MBL2: variants seen among roughly 807,000 people sequenced by gnomAD.
MBL2 encodes mannose binding lectin 2.
In MBL2, 6 loss-of-function variants were observed where a neutral mutation model predicts 12.7. The observed-to-expected ratio is 0.47, with a 90% CI of 0.26 to 0.94. MBL2 has a LOEUF of 0.94. MBL2 is among the 40% of genes least tolerant of loss of function. The pLI, the probability that MBL2 is intolerant of heterozygous loss-of-function variation, is 0.15. For missense variants in MBL2, 307 were observed against 295.2 expected (o/e 1.04, Z -0.29); for synonymous variants, 114 against 112.0 (o/e 1.02, Z -0.11).
In MBL2 at chr10:52,766,538, A is replaced by G. The variant is rs1212738156; in HGVS notation, c.*1599T>C. The G allele has an allele frequency of 2.6e-5, 4 of 152,164 alleles. No homozygotes were observed. The highest frequency in any genetic ancestry group is 5.9e-5 in the Non-Finnish European group (4 of 68,012). The allele number at this position is 152,164 out of a possible 1,614,324, so 9.4% of individuals were successfully genotyped here. ...TAGAAAAAAATGGAAAAATATCTTC[A>G]TGATTTCAAAATCATGAAAAATCTC... On this transcript the variant is annotated 3_prime_UTR_variant, in exon 5 of 5. Transcript: ENST00000674931.
rs1029565622 is a variant in MBL2, at chr10:52,766,468, A to G, written c.*1669T>C. 5 of 152,120 alleles carry G rather than the reference A, an allele frequency of 3.3e-5. No individual in the cohort carries two copies. The highest frequency in any genetic ancestry group is 1.2e-4 in the African/African-American group (5 of 41,432). The allele number at this position is 152,120 out of a possible 1,614,324, so 9.4% of individuals were successfully genotyped here. Reference sequence around the variant, plus strand: ...CTACATAGTGCTGTCTCAAGTGGATATCTATTCTACCAGGAATAGATAGAA... The same window carrying G: ...CTACATAGTGCTGTCTCAAGTGGATGTCTATTCTACCAGGAATAGATAGAA... On this transcript the variant is annotated 3_prime_UTR_variant, in exon 5 of 5. Coordinates refer to ENST00000674931, the MANE Select transcript of MBL2 (RefSeq NM_001378373.1).
At position 52,767,562 on chromosome 10, in the gene MBL2, T is replaced by C. The variant is rs1399061274; in HGVS notation, c.*575A>G. On this transcript the variant is annotated 3_prime_UTR_variant, in exon 5 of 5. Transcript: ENST00000674931. ...TCTAGAAAGTGAGTATATAGGTATG[T>C]ATGTGTGTGAGAATTTGTGAAGCTG... 6.6e-6 allele frequency: 1 copy of C among 152,040 alleles called. No homozygotes were observed. The highest frequency in any genetic ancestry group is 6.5e-5 in the Admixed American group (1 of 15,268). 9.4% of individuals were successfully genotyped at this position (152,040 alleles called of 1,614,324 possible). A position where few individuals can be genotyped will look rare whatever the true frequency, so the allele number is the denominator to read the frequency against.
rs1840355593 is a variant in MBL2 at position 52,769,324 on chromosome 10, T to A, written c.305-9A>T. The A allele has an allele frequency of 6.3e-7, 1 of 1,597,656 alleles. No individual in the cohort carries two copies. The highest frequency in any genetic ancestry group is 1.4e-5 in the African/African-American group (1 of 73,950). ...CAGGCTACTATCACCATCTAGAAAATTAGAACAAAGTAAAGAAGCATTGTT... is the reference window on the plus strand; with the variant it reads ...CAGGCTACTATCACCATCTAGAAAAATAGAACAAAGTAAAGAAGCATTGTT... On this transcript the variant is annotated splice_polypyrimidine_tract_variant and intron_variant, in intron 3 of 4. Coordinates refer to ENST00000674931, the MANE Select transcript of MBL2 (RefSeq NM_001378373.1).
In MBL2 at chr10:52,766,700, C is replaced by T. The variant is rs900953030; in HGVS notation, c.*1437G>A. 6 of 151,936 alleles carry T rather than the reference C, an allele frequency of 3.9e-5. No homozygotes were observed. The highest frequency in any genetic ancestry group is 1.5e-4 in the African/African-American group (6 of 41,356). The allele number at this position is 151,936 out of a possible 1,614,324, so 9.4% of individuals were successfully genotyped here. ...TTTCTCAAAATTAGGAAATTTTGTT[C>T]ATCAAAATTCAACATTAGGAGCAAG... On this transcript the variant is annotated 3_prime_UTR_variant, in exon 5 of 5. Transcript: ENST00000674931.
intron 3 of MBL2, among the ~76,000 whole-genome samples, chr10:52,769,623 T>C (rs1840360782): frequency 6.6e-6 from 1 of 152,200 alleles, no homozygotes; most frequent in Non-Finnish European, 1.5e-5. Context: ...GATTTTTTTT[T>C]CAAATAAATT....
chr10:52,771,834 G>T, intron 1 of MBL2, 190 bp from the exon 2 acceptor site: 1 of 767,014 alleles, frequency 1.3e-6, no homozygotes. Flanking sequence ...AACAAAGGTA[G>T]GCACTATGAT....
At chr10:52,770,630 C>G (rs372992382) in intron 3 of MBL2, 40 bp downstream of exon 3, 1 of 1,252,388 alleles carries the variant, frequency 8.0e-7, no homozygotes, top group African/African-American at 1.5e-5. Flanking sequence ...GGTCTCAGAA[C>G]CCTGGGTGAA....
At chr10:52,769,180 C>T (rs1387047615) in intron 4 of MBL2, 67 bp downstream of exon 4, 1 of 1,092,974 alleles carries the variant, frequency 9.1e-7, no homozygotes. Flanking sequence ...ATGCATTCAA[C>T]AAATATTTGT....
chr10:52,770,803 G>T lies in MBL2; in HGVS notation c.188-17C>A, dbSNP rs55881676. On this transcript the variant is annotated splice_polypyrimidine_tract_variant and intron_variant, in intron 2 of 4. Coordinates refer to ENST00000674931, the MANE Select transcript of MBL2 (RefSeq NM_001378373.1). Reference sequence around the variant, plus strand: ...GCCCTTGGCCTGTTGGAAGACAAAGGAAATGTGACTTAATATCTATGTTCT... The same window carrying T: ...GCCCTTGGCCTGTTGGAAGACAAAGTAAATGTGACTTAATATCTATGTTCT... The T allele has an allele frequency of 3.7e-5, 49 of 1,315,572 alleles. No individual in the cohort carries two copies. The South Asian group carries it at 8.8e-4, about 24-fold the overall frequency. 81.5% of individuals were successfully genotyped at this position (1,315,572 alleles called of 1,614,324 possible).
intron 3 of MBL2, 110 bp downstream of exon 3, chr10:52,770,559 CA>C (rs1352738060): frequency 1.3e-5 from 8 of 614,836 alleles, no homozygotes; most frequent in Non-Finnish European, 1.8e-5. Flanking sequence ...GGTCAGAAAG[CA>C]AATTTGGGTA....
intron 1 of MBL2, among the ~76,000 whole-genome samples, chr10:52,772,506 C>T (rs1050658542): frequency 6.6e-6 from 1 of 152,152 alleles, no homozygotes; most frequent in African/African-American, 2.4e-5. Context: ...AGGTCTAAGC[C>T]TCCAAGTTTC....
At chr10:52,771,351 G>GA (rs1249927022) in intron 2 of MBL2, 98 bp downstream of exon 2, 3 of 1,379,412 alleles carry the variant, frequency 2.2e-6, no homozygotes, top group Non-Finnish European at 3.0e-6. Flanking sequence ...GTATAGTTGA[G>GA]AAAAATATAC....
rs1323499317 is a variant in MBL2, at chr10:52,766,588, AT to A, written c.*1548del. ...CTTCATGGTTTCAAAATCATGAAAA[AT>A]ATCTTATGATTTTGGGATGGGCAAA... On this transcript the variant is annotated 3_prime_UTR_variant, in exon 5 of 5. Coordinates refer to ENST00000674931, the MANE Select transcript of MBL2 (RefSeq NM_001378373.1). 2.0e-5 allele frequency: 3 copies of A among 152,150 alleles called. No homozygotes were observed. Among genetic ancestry groups the A allele is most frequent in the Non-Finnish European group, 2.9e-5 (2 of 68,014 alleles). 9.4% of individuals were successfully genotyped at this position (152,150 alleles called of 1,614,324 possible).
At chr10:52,768,915 A>T (rs999496501) in intron 4 of MBL2, among the ~76,000 whole-genome samples, 4 of 151,970 alleles carry the variant, frequency 2.6e-5, no homozygotes, top group African/African-American at 9.7e-5. Context: ...GGCAGGTTAG[A>T]CCCCACGGCC....
In MBL2 at chr10:52,767,239, C is replaced by A. The variant is rs546984996; in HGVS notation, c.*898G>T. The A allele has an allele frequency of 3.6e-4, 55 of 151,978 alleles. No homozygotes were observed. The highest frequency in any genetic ancestry group is 1.3e-3 in the African/African-American group (55 of 41,330). 9.4% of individuals were successfully genotyped at this position (151,978 alleles called of 1,614,324 possible). On this transcript the variant is annotated 3_prime_UTR_variant, in exon 5 of 5. Coordinates refer to ENST00000674931, the MANE Select transcript of MBL2 (RefSeq NM_001378373.1). ...CCTCATGGCCAAAAATTGGAAGCCA[C>A]TTAAGTGCCTATTAACAATAGAATG... is the stretch of plus-strand genomic sequence containing the variant.
Position 52,767,999 on chromosome 10 carries a change from T to C in MBL2, c.*138A>G. Reference sequence around the variant, plus strand: ...ACTATTATTGCTTTGTTGGTGCTGTTAGTGATCATTTTTAGTGATTGCCCA... The same window carrying C: ...ACTATTATTGCTTTGTTGGTGCTGTCAGTGATCATTTTTAGTGATTGCCCA... On this transcript the variant is annotated 3_prime_UTR_variant, in exon 5 of 5. Transcript: ENST00000674931. 1.9e-6 allele frequency: 2 copies of C among 1,029,750 alleles called. No individual in the cohort carries two copies. Among genetic ancestry groups the C allele is most frequent in the East Asian group, 5.0e-5 (2 of 40,288 alleles). 63.8% of individuals were successfully genotyped at this position (1,029,750 alleles called of 1,614,324 possible). A position where few individuals can be genotyped will look rare whatever the true frequency, so the allele number is the denominator to read the frequency against.
rs898531780 is a variant in MBL2, at chr10:52,765,999, ATAT to A, written c.*2135_*2137del. On this transcript the variant is annotated 3_prime_UTR_variant, in exon 5 of 5. Transcript: ENST00000674931. ...ATAGAAAAGAAAAAATATTTAAAATATATTATTAAAATCACTAAAACCACCAAA... is the reference window on the plus strand; with the variant it reads ...ATAGAAAAGAAAAAATATTTAAAATATATTAAAATCACTAAAACCACCAAA... 1 of 152,148 alleles carries A rather than the reference ATAT, an allele frequency of 6.6e-6. No individual in the cohort carries two copies. Among genetic ancestry groups the A allele is most frequent in the Non-Finnish European group, 1.5e-5 (1 of 68,014 alleles). The allele number at this position is 152,148 out of a possible 1,614,324, so 9.4% of individuals were successfully genotyped here.
chr10:52,769,053 G>A (rs1375065724), intron 4 of MBL2, among the ~76,000 whole-genome samples, 194 bp downstream of exon 4: 4 of 151,948 alleles, frequency 2.6e-5, no homozygotes, highest in Non-Finnish European at 5.9e-5. Context: ...CCATTTATTA[G>A]CTCTGTGCAT....
At position 52,770,748 on chromosome 10, in the gene MBL2, A is replaced by G. The variant is rs768298037; in HGVS notation, c.226T>C (p.Leu76=). 4.6e-6 allele frequency: 7 copies of G among 1,519,750 alleles called. No homozygotes were observed. The highest frequency in any genetic ancestry group is 1.3e-5 in the South Asian group (1 of 77,842). The allele number at this position is 1,519,750 out of a possible 1,614,324, so 94.1% of individuals were successfully genotyped here. ...LRGLQGPPGK[L]GPPGNPGPSG... ...GGCCCTGGATTTCCTGGAGGCCCCA[A>G]CTTTCCAGGGGGGCCCTGTAAGCCT... The change falls in exon 3 of 5, where the codon TTG becomes CTG. Residue 76 remains leucine, a synonymous_variant. Coordinates refer to ENST00000674931, the MANE Select transcript of MBL2 (RefSeq NM_001378373.1).
Sources: allele counts gnomAD v4.1 joint callset (sites outside exome capture counted in the v4.1 genomes callset), GRCh38; gene constraint gnomAD v4.1.1; transcripts MANE v1.5; gene names NCBI Gene and HGNC (gene_info 2026-07-23, HGNC 2026-07-21).